Variants in GPM6A observed in about 807,000 individuals in gnomAD.
GPM6A encodes the protein glycoprotein M6A.
GPM6A carries 7 observed loss-of-function variants against 32.1 expected under a neutral mutation model. The ratio of observed to expected loss-of-function variants is 0.22; its 90% CI spans 0.12 to 0.41. GPM6A has a LOEUF of 0.41. Among genes scored for constraint, GPM6A ranks in the 10% least tolerant of loss-of-function variants. The probability of loss-of-function intolerance (pLI) is 1.00; values close to 1 mark genes in which losing one functional copy is unlikely to be tolerated. For synonymous variants in GPM6A, 130 were observed against 123.4 expected (o/e 1.05, Z -0.35); for missense variants, 235 against 347.2 (o/e 0.68, Z 2.57).
chr4:175,698,808 C>T (rs1744714364), intron 2 of GPM6A, among the ~76,000 whole-genome samples: 2 of 152,096 alleles, frequency 1.3e-5, no homozygotes, highest in African/African-American at 4.8e-5. Flanking sequence ...ACATTTAATA[C>T]ATAATATAAC....
chr4:175,981,846 G>A (rs181046087), intron 1 of GPM6A, among the ~76,000 whole-genome samples: 80 of 152,120 alleles, frequency 5.3e-4, no homozygotes, highest in Non-Finnish European at 3.2e-4. Context: ...GTCCCACAAC[G>A]ATGTTTGAGA....
chr4:175,649,786 C>G (rs775642550), intron 4 of GPM6A, among the ~76,000 whole-genome samples: 20 of 152,268 alleles, frequency 1.3e-4, no homozygotes, highest in Non-Finnish European at 2.4e-4. Context: ...AAGAACAAAT[C>G]ATTTTAGTAT....
chr4:175,916,242 G>A (rs759291142), intron 1 of GPM6A, among the ~76,000 whole-genome samples: 17 of 152,124 alleles, frequency 1.1e-4, no homozygotes, highest in Non-Finnish European at 2.2e-4. Context: ...AATATACAGC[G>A]GAGAGCTTGG....
intron 1 of GPM6A, among the ~76,000 whole-genome samples, chr4:175,928,030 C>T (rs1048705545): frequency 6.6e-6 from 1 of 152,018 alleles, no homozygotes; most frequent in Non-Finnish European, 1.5e-5. Context: ...TGTTATTTAG[C>T]AAATTATTCT....
At chr4:175,893,274 C>T (rs1387783608) in intron 1 of GPM6A, among the ~76,000 whole-genome samples, 1 of 152,102 alleles carries the variant, frequency 6.6e-6, no homozygotes, top group Non-Finnish European at 1.5e-5. Flanking sequence ...ACTAGAAAAA[C>T]TTGGAATATG....
At chr4:175,937,020 C>A (rs1739263115) in intron 1 of GPM6A, among the ~76,000 whole-genome samples, 1 of 152,086 alleles carries the variant, frequency 6.6e-6, no homozygotes, top group Non-Finnish European at 1.5e-5. Flanking sequence ...ATCTTTTCCT[C>A]AGATACCTAT....
chr4:175,959,493 C>T (rs1010074502), intron 1 of GPM6A, among the ~76,000 whole-genome samples: 7 of 152,028 alleles, frequency 4.6e-5, no homozygotes, highest in Non-Finnish European at 8.8e-5. Context: ...ATTACAGAGG[C>T]TTACTTAAAA....
intron 6 of GPM6A, 66 bp from the exon 7 acceptor site, chr4:175,635,123 T>A: frequency 8.4e-7 from 1 of 1,196,564 alleles, no homozygotes; most frequent in Non-Finnish European, 1.2e-6. Flanking sequence ...CCTTGCTATC[T>A]CGAAAGAAGT....
In GPM6A at chr4:175,921,927, G is replaced by C. The variant is rs1003092786; in HGVS notation, c.-23+80382C>G. ...CTTCTTCAGTACTTCATTTCTCTTG[G>C]GCAATAATCCAGGTCACTAGAACTA... is the stretch of plus-strand genomic sequence containing the variant. On this transcript the variant is annotated intron_variant, in intron 1 of 7. Coordinates refer to the GPM6A transcript ENST00000280187. Among the ~76,000 whole-genome samples the C allele has an allele frequency of 5.9e-5, 9 of 152,050 alleles. No individual in the cohort carries two copies. The East Asian group carries it at 1.4e-3, about 23-fold the overall frequency.
intron 2 of GPM6A, among the ~76,000 whole-genome samples, chr4:175,700,819 A>G (rs1296851937): frequency 6.6e-6 from 1 of 152,208 alleles, no homozygotes; most frequent in African/African-American, 2.4e-5. Context: ...AAATCACTGA[A>G]TAAATTATCT....
intron 1 of GPM6A, among the ~76,000 whole-genome samples, chr4:175,724,316 G>A (rs952653797): frequency 9.8e-5 from 15 of 152,300 alleles, no homozygotes; most frequent in East Asian, 1.9e-4. Flanking sequence ...AGGCCAAGGC[G>A]GGCAGATCAC....
intron 1 of GPM6A, among the ~76,000 whole-genome samples, chr4:175,983,056 T>C (rs2126445479): frequency 6.6e-6 from 1 of 152,332 alleles, no homozygotes; most frequent in Non-Finnish European, 1.5e-5. Context: ...TGACTTTTAT[T>C]GCAGGCTGCA....
intron 1 of GPM6A, chr4:175,970,730 T>A: frequency 2.6e-6 from 1 of 383,242 alleles, no homozygotes. Context: ...AAACTTCTTA[T>A]GTTGAAATAA....
At chr4:175,668,673 G>T (rs1370367905) in intron 3 of GPM6A, among the ~76,000 whole-genome samples, 1 of 152,084 alleles carries the variant, frequency 6.6e-6, no homozygotes, top group African/African-American at 2.4e-5. Context: ...AAGCATCTTA[G>T]ACTACCAAGT....
In GPM6A at chr4:175,640,620, A is replaced by C; in HGVS notation, c.618+133T>G. On this transcript the variant is annotated intron_variant, in intron 5 of 6. Coordinates refer to ENST00000393658, the MANE Select transcript of GPM6A (RefSeq NM_201591.3). The stretch of plus-strand genomic sequence containing the variant: ...TTATCCTCTACTCCTCCTGAATAAC[A>C]CTACTTCAGGTAAAATTGCCTCTGA... The C allele has an allele frequency of 2.2e-5, 15 of 676,642 alleles. No homozygotes were observed. The South Asian group carries it at 2.3e-4, about 11-fold the overall frequency. The allele number at this position is 676,642 out of a possible 1,614,324, so 41.9% of individuals were successfully genotyped here.
intron 1 of GPM6A, among the ~76,000 whole-genome samples, chr4:175,719,184 G>A (rs1250782002): frequency 2.7e-5 from 4 of 148,350 alleles, no homozygotes; most frequent in South Asian, 2.1e-4. Context: ...ACAACATACC[G>A]AAATTGGGTA....
intron 1 of GPM6A, among the ~76,000 whole-genome samples, chr4:175,734,584 A>G (rs1731583315): frequency 1.3e-5 from 2 of 151,962 alleles, no homozygotes; most frequent in African/African-American, 4.8e-5. Context: ...AAAAAATGCT[A>G]TATAATAGGC....
At chr4:175,807,407 G>A (rs1404927987) in intron 1 of GPM6A, 1 of 152,146 alleles carries the variant, frequency 6.6e-6, no homozygotes, top group African/African-American at 2.4e-5. Context: ...ACTCCTAAAA[G>A]GATCTGAAGA....
At chr4:175,684,056 C>G (rs546197773) in intron 2 of GPM6A, among the ~76,000 whole-genome samples, 126 of 152,180 alleles carry the variant, frequency 8.3e-4, no homozygotes, top group African/African-American at 2.9e-3. Context: ...GTCTCAAACT[C>G]CTGACCTCGT....
Sources: allele counts gnomAD v4.1 joint callset (sites outside exome capture counted in the v4.1 genomes callset), GRCh38; gene constraint gnomAD v4.1.1; transcripts MANE v1.5; gene names NCBI Gene and HGNC (gene_info 2026-07-23, HGNC 2026-07-21).